The following SORCS1 variants were observed in gnomAD, a reference collection of about 807,000 sequenced individuals.
SORCS1 encodes VPS10 domain-containing receptor SorCS1.
SORCS1 carries 60 observed loss-of-function variants against 146.1 expected under a neutral mutation model. The observed-to-expected ratio is 0.41, with a 90% CI of 0.33 to 0.51. SORCS1 has a LOEUF of 0.51. Ranked by LOEUF, SORCS1 falls within the 20% of genes least tolerant of loss-of-function variation. SORCS1 has a pLI of 0.21. For missense variants in SORCS1, 1,352 were observed against 1,487.6 expected, an observed-to-expected ratio of 0.91 and a Z score of 1.50; for synonymous variants, 637 against 584.0, an observed-to-expected ratio of 1.09 and a Z score of -1.31.
intron 2 of SORCS1, among the ~76,000 whole-genome samples, chr10:106,945,283 G>T (rs1347089057): frequency 6.6e-6 from 1 of 151,968 alleles, no homozygotes; most frequent in Non-Finnish European, 1.5e-5. Flanking sequence ...TGGTCATGCT[G>T]AAAGAATAAA....
rs548777363 is a variant in SORCS1 at position 106,781,480 on chromosome 10, T to C, written c.727-4788A>G. The stretch of plus-strand genomic sequence containing the variant: ...TCCAGATGCCCATATCACAGGTGCA[T>C]AATAAATGCTTTTCATAATGATAAT... On this transcript the variant is annotated intron_variant, in intron 3 of 25. Transcript: ENST00000263054. Among the ~76,000 whole-genome samples, 7 of 152,232 alleles carry C rather than the reference T, an allele frequency of 4.6e-5. No individual in the cohort carries two copies. The South Asian group carries it at 1.5e-3, about 32-fold the overall frequency.
At chr10:106,801,261 A>G (rs1171765075) in intron 3 of SORCS1, among the ~76,000 whole-genome samples, 1 of 152,216 alleles carries the variant, frequency 6.6e-6, no homozygotes, top group Non-Finnish European at 1.5e-5. Flanking sequence ...ATAAACAGAA[A>G]GAAGAAAATA....
intron 1 of SORCS1, among the ~76,000 whole-genome samples, chr10:107,092,249 C>A (rs943279401): frequency 6.6e-6 from 1 of 152,202 alleles, no homozygotes; most frequent in Non-Finnish European, 1.5e-5. Context: ...CATGATACAT[C>A]CTCTGTGTGA....
intron 1 of SORCS1, among the ~76,000 whole-genome samples, chr10:107,039,456 A>C (rs1236002190): frequency 6.6e-6 from 1 of 152,144 alleles, no homozygotes; most frequent in East Asian, 1.9e-4. Flanking sequence ...TAAATGTGCC[A>C]AGAATATTTT....
At chr10:106,946,433 C>A (rs1356151635) in intron 2 of SORCS1, among the ~76,000 whole-genome samples, 3 of 152,144 alleles carry the variant, frequency 2.0e-5, no homozygotes, top group African/African-American at 7.2e-5. Flanking sequence ...GGGAGCGGGT[C>A]TTCCCCCATA....
Position 106,677,388 on chromosome 10 carries a change from T to A in SORCS1, c.1757A>T (p.His586Leu). The change falls in exon 13 of 26, where the codon CAC becomes CTC. Residue 586 changes from histidine to leucine, a missense_variant. By Grantham distance (99) the His-to-Leu change is moderately conservative (BLOSUM62 -3). This residue lies in a region of SORCS1 where 648 missense variants were observed against 793.8 expected (regional missense o/e 0.82). Transcript: ENST00000263054. Reference protein sequence around the residue: ...NTWRQIFEEEHSVLYLDQGGV... With the variant: ...NTWRQIFEEELSVLYLDQGGV... ...ACCTTGATCCAGGTACAAAACACTG[T>A]GCTCTTCTTCAAAGATCTGGATGAG... 6.2e-7 allele frequency: 1 copy of A among 1,613,970 alleles called. No individual in the cohort carries two copies. The highest frequency in any genetic ancestry group is 8.5e-7 in the Non-Finnish European group (1 of 1,179,858).
chr10:107,037,158 A>G (rs1210328568), intron 1 of SORCS1, among the ~76,000 whole-genome samples: 1 of 152,190 alleles, frequency 6.6e-6, no homozygotes, highest in Non-Finnish European at 1.5e-5. Context: ...AGGAGGGAGA[A>G]TTGCTTGAAC....
intron 1 of SORCS1, among the ~76,000 whole-genome samples, chr10:106,997,813 C>T (rs1395093786): frequency 6.6e-6 from 1 of 152,208 alleles, no homozygotes; most frequent in East Asian, 1.9e-4. Flanking sequence ...CTCTCCAACA[C>T]ACTAAGTAGC....
chr10:107,044,768 C>T (rs1411042363), intron 1 of SORCS1, among the ~76,000 whole-genome samples: 2 of 141,266 alleles, frequency 1.4e-5, no homozygotes, highest in Admixed American at 7.4e-5. Context: ...GCCAAGATGG[C>T]GCCATTGCAT....
At chr10:106,938,695 T>A (rs1260065243) in intron 2 of SORCS1, among the ~76,000 whole-genome samples, 1 of 152,184 alleles carries the variant, frequency 6.6e-6, no homozygotes, top group African/African-American at 2.4e-5. Flanking sequence ...GTAGATTCCA[T>A]AAAACTACTC....
At chr10:106,645,832 G>A (rs1397340511) in intron 18 of SORCS1, among the ~76,000 whole-genome samples, 3 of 150,826 alleles carry the variant, frequency 2.0e-5, no homozygotes, top group Non-Finnish European at 4.4e-5. Flanking sequence ...TTCCCTCTAG[G>A]GCTTAATTTA....
At chr10:106,630,533 G>GCA (rs1848380884) in intron 18 of SORCS1, among the ~76,000 whole-genome samples, 2 of 152,144 alleles carry the variant, frequency 1.3e-5, no homozygotes, top group Admixed American at 1.3e-4. Flanking sequence ...GGCTCCCCTG[G>GCA]CATGAATTCT....
In SORCS1 at chr10:106,579,417, G is replaced by A; in HGVS notation, c.3323C>T (p.Ser1108Leu). 6.2e-7 allele frequency: 1 copy of A among 1,613,994 alleles called. No homozygotes were observed. Among genetic ancestry groups the A allele is most frequent in the South Asian group, 1.1e-5 (1 of 91,068 alleles). Residue 1108 changes from serine to leucine, a missense_variant, in exon 25 of 26, where the codon TCA (serine) becomes TTA (leucine). Transcript: ENST00000263054. ...HSGSAMLMLL[S>L]VVFVGLAVFV... ...CACTGCCAGCCCCACAAACACCACT[G>A]AGAGCAGCATCAGCATGGCAGATCC...
rs553701122 is a variant in SORCS1 at position 106,986,754 on chromosome 10, T to C, written c.559-30174A>G. Among the ~76,000 whole-genome samples the C allele has an allele frequency of 1.8e-4, 27 of 152,354 alleles. No homozygotes were observed. In the South Asian group the frequency reaches 5.6e-3, roughly 32 times the overall value. On this transcript the variant is annotated intron_variant, in intron 1 of 25. Transcript: ENST00000263054. Reference sequence around the variant, plus strand: ...ACCTTTCCTTACACAGTCTCCACTCTGTCCATTCAATAAATATTTTCATTT... The same window carrying C: ...ACCTTTCCTTACACAGTCTCCACTCCGTCCATTCAATAAATATTTTCATTT...
At chr10:106,661,491 G>A (rs1294735125) in intron 17 of SORCS1, among the ~76,000 whole-genome samples, 1 of 152,172 alleles carries the variant, frequency 6.6e-6, no homozygotes, top group African/African-American at 2.4e-5. Context: ...TCAAATACAT[G>A]TCTGGACTGT....
At chr10:107,115,054 A>G (rs1965935305) in intron 1 of SORCS1, among the ~76,000 whole-genome samples, 1 of 152,064 alleles carries the variant, frequency 6.6e-6, no homozygotes, top group Admixed American at 6.6e-5. Context: ...AAACAGGTGA[A>G]AGATACCTAC....
In SORCS1 at chr10:106,976,333, G is replaced by GTTTTGT. The variant is rs1554901323; in HGVS notation, c.559-19754_559-19753insACAAAA. On this transcript the variant is annotated intron_variant, in intron 1 of 25. Transcript: ENST00000263054. Reference sequence around the variant, plus strand: ...ATCAACTCATCATCTAGGTTTTTTTGTTTTTTTTTTTTTTTTGAGACGGAG... The same window carrying GTTTTGT: ...ATCAACTCATCATCTAGGTTTTTTTGTTTTGTTTTTTTTTTTTTTTTTGAGACGGAG... Among the ~76,000 whole-genome samples the GTTTTGT allele has an allele frequency of 1.4e-3, 160 of 113,800 alleles. 2 individuals are homozygous for GTTTTGT. Among genetic ancestry groups the GTTTTGT allele is most frequent in the African/African-American group, 5.9e-3 (151 of 25,504 alleles). The allele number at this position is 113,800 out of a possible 152,430, so 74.7% of individuals were successfully genotyped here. A position where few individuals can be genotyped will look rare whatever the true frequency, so the allele number is the denominator to read the frequency against.
chr10:106,679,328 A>G lies in SORCS1; in HGVS notation c.1668T>C (p.Asn556=). The G allele has an allele frequency of 6.2e-7, 1 of 1,611,550 alleles. No homozygotes were observed. Among genetic ancestry groups the G allele is most frequent in the Non-Finnish European group, 8.5e-7 (1 of 1,178,538 alleles). ...CAGTGTCTGACAATTCAGAACCTAT[A>G]TTACCTAGAAAGAGAAAGGTGCCAT... ...TAPSIIVASG[N]IGSELSDTDI... is the part of the protein sequence containing the mutation. Residue 556 remains asparagine (N), a synonymous_variant, in exon 12 of 26, where the codon AAT becomes AAC. Transcript: ENST00000263054.
chr10:106,857,280 C>A (rs1488096959), intron 2 of SORCS1, among the ~76,000 whole-genome samples: 1 of 152,224 alleles, frequency 6.6e-6, no homozygotes, highest in Admixed American at 6.5e-5. Context: ...TCCTGCCCAT[C>A]TCCTTCCCTA....
Sources: allele counts gnomAD v4.1 joint callset (sites outside exome capture counted in the v4.1 genomes callset), GRCh38; gene constraint gnomAD v4.1.1; regional missense constraint gnomAD v4.1.1; transcripts MANE v1.5; gene names NCBI Gene and HGNC (gene_info 2026-07-23, HGNC 2026-07-21).